Variants in FARS2 observed in about 807,000 individuals in gnomAD.
The protein encoded by FARS2 is phenylalanyl-tRNA synthetase 2, mitochondrial, also known as phenylalanine--tRNA ligase, mitochondrial.
FARS2 carries 40 observed loss-of-function variants against 46.4 expected under a neutral mutation model. The ratio of observed to expected loss-of-function variants is 0.86; its 90% CI spans 0.67 to 1.12. The LOEUF (loss-of-function observed/expected upper bound fraction) is 1.12, where lower values mean the gene tolerates loss of function less well. Among genes scored for constraint, FARS2 ranks in the 50% most tolerant of loss-of-function variants. FARS2 has a pLI of 0.00. For synonymous variants in FARS2, 234 were observed against 214.9 expected, an observed-to-expected ratio of 1.09 and a Z score of -0.78; for missense variants, 513 against 567.9, an observed-to-expected ratio of 0.90 and a Z score of 0.98.
intron 1 of FARS2, among the ~76,000 whole-genome samples, chr6:5,310,892 G>A (rs140198696): frequency 1.3e-5 from 2 of 152,324 alleles, no homozygotes; most frequent in East Asian, 3.9e-4. Context: ...ATTGTCCTTG[G>A]TAGAGTAAGT....
intron 4 of FARS2, among the ~76,000 whole-genome samples, chr6:5,462,844 G>A (rs890701105): frequency 6.6e-6 from 1 of 152,134 alleles, no homozygotes; most frequent in Non-Finnish European, 1.5e-5. Context: ...AATGTCTGTT[G>A]GAATTTTGAT....
intron 6 of FARS2, among the ~76,000 whole-genome samples, chr6:5,705,534 CT>C (rs957096663): frequency 1.1e-4 from 17 of 152,192 alleles, no homozygotes; most frequent in African/African-American, 3.9e-4. Context: ...CCTGAATTTG[CT>C]GTGCAGCCAG....
intron 5 of FARS2, among the ~76,000 whole-genome samples, chr6:5,596,993 A>G (rs2150621377): frequency 6.6e-6 from 1 of 152,314 alleles, no homozygotes; most frequent in Non-Finnish European, 1.5e-5. Context: ...GTCAGGTGAC[A>G]ATGTGTGAGG....
rs185944534 is a variant in FARS2 at position 5,612,336 on chromosome 6, T to C, written c.1066-833T>C. 5.9e-5 allele frequency among the ~76,000 whole-genome samples: 9 copies of C among 152,364 alleles called. No individual in the cohort carries two copies. In the East Asian group the frequency reaches 1.7e-3, roughly 29 times the overall value. ...TGCCCTTCTAAAAGATGTTTGGATT[T>C]AGCAGATATTTCCTTAGGATTTCAT... On this transcript the variant is annotated intron_variant, in intron 5 of 6. Coordinates refer to ENST00000274680, the MANE Select transcript of FARS2 (RefSeq NM_006567.5).
chr6:5,436,634 T>G (rs769567223), intron 4 of FARS2, among the ~76,000 whole-genome samples: 7 of 152,192 alleles, frequency 4.6e-5, no homozygotes, highest in Admixed American at 2.0e-4. Flanking sequence ...AAGGGAACTA[T>G]GTCTGTCAGT....
intron 6 of FARS2, among the ~76,000 whole-genome samples, chr6:5,731,153 G>A (rs192358663): frequency 9.8e-5 from 15 of 152,290 alleles, no homozygotes; most frequent in East Asian, 1.9e-4. Flanking sequence ...CAGAGAAACC[G>A]GGAGTTGGGC....
intron 6 of FARS2, among the ~76,000 whole-genome samples, chr6:5,636,321 C>T (rs997112320): frequency 2.6e-5 from 4 of 152,290 alleles, no homozygotes; most frequent in South Asian, 2.1e-4. Context: ...TGACAGTGTA[C>T]GGTCGCTGTC....
chr6:5,438,900 G>A (rs751693542), intron 4 of FARS2, among the ~76,000 whole-genome samples: 7 of 152,144 alleles, frequency 4.6e-5, no homozygotes, highest in Non-Finnish European at 8.8e-5. Flanking sequence ...TGTCTGGATC[G>A]TCCTGTGATT....
At chr6:5,767,816 ATGG>A (rs1762831382) in intron 6 of FARS2, among the ~76,000 whole-genome samples, 1 of 151,910 alleles carries the variant, frequency 6.6e-6, no homozygotes, top group African/African-American at 2.4e-5. Context: ...AGTGTAGGTC[ATGG>A]CAGATGGAAG....
intron 4 of FARS2, among the ~76,000 whole-genome samples, chr6:5,523,366 G>A (rs1438894584): frequency 6.6e-6 from 1 of 152,076 alleles, no homozygotes. Context: ...TTTTTTGACT[G>A]GTAGAGTTGG....
At chr6:5,387,387 C>T (rs1449651238) in intron 2 of FARS2, among the ~76,000 whole-genome samples, 1 of 152,164 alleles carries the variant, frequency 6.6e-6, no homozygotes, top group Non-Finnish European at 1.5e-5. Flanking sequence ...AGAAAAGGCA[C>T]AGATGTTTAT....
At chr6:5,307,176 T>C (rs537119810) in intron 1 of FARS2, among the ~76,000 whole-genome samples, 196 of 152,328 alleles carry the variant, frequency 1.3e-3, no homozygotes, top group Non-Finnish European at 1.5e-3. Flanking sequence ...TGTTAAAATC[T>C]TTACTTGCTC....
At chr6:5,417,964 C>G (rs190629888) in intron 3 of FARS2, among the ~76,000 whole-genome samples, 1 of 151,516 alleles carries the variant, frequency 6.6e-6, no homozygotes, top group Non-Finnish European at 1.5e-5. Flanking sequence ...ATTGCTTTAT[C>G]TTCAAGTTTA....
At chr6:5,744,076 A>G (rs989767982) in intron 6 of FARS2, among the ~76,000 whole-genome samples, 20 of 152,220 alleles carry the variant, frequency 1.3e-4, no homozygotes, top group African/African-American at 4.6e-4. Context: ...AACAGGGGAT[A>G]ACCCAAATGG....
intron 1 of FARS2, among the ~76,000 whole-genome samples, chr6:5,329,171 A>G (rs1440331720): frequency 1.3e-5 from 2 of 152,156 alleles, no homozygotes; most frequent in African/African-American, 2.4e-5. Context: ...CAACTTATAA[A>G]CAAGTTGATT....
intron 4 of FARS2, among the ~76,000 whole-genome samples, chr6:5,438,839 G>T (rs897521248): frequency 6.6e-6 from 1 of 152,168 alleles, no homozygotes; most frequent in Admixed American, 6.5e-5. Context: ...GAGCATTTTG[G>T]ATTTTGGATT....
chr6:5,473,542 A>AC (rs1554099138), intron 4 of FARS2, among the ~76,000 whole-genome samples: 157 of 65,930 alleles, frequency 2.4e-3, no homozygotes, highest in African/African-American at 8.2e-3. Flanking sequence ...ACAAAAAAAA[A>AC]AACAAAAAAA....
intron 6 of FARS2, among the ~76,000 whole-genome samples, chr6:5,681,643 A>G (rs1779038807): frequency 6.6e-6 from 1 of 152,254 alleles, no homozygotes; most frequent in Admixed American, 6.5e-5. Flanking sequence ...CAAGATAGAC[A>G]AGCCCTTTCT....
chr6:5,676,273 T>G (rs1352287944), intron 6 of FARS2, among the ~76,000 whole-genome samples: 1 of 152,216 alleles, frequency 6.6e-6, no homozygotes, highest in East Asian at 1.9e-4. Context: ...TTATAGATGA[T>G]TTCATTTATT....
Sources: gnomAD v4.1 joint callset for allele counts (sites outside exome capture counted in the v4.1 genomes callset) on GRCh38, gnomAD v4.1.1 for gene constraint, MANE v1.5 for transcripts, NCBI Gene and HGNC (gene_info 2026-07-23, HGNC 2026-07-21) for gene names.